Variants in PTGFR observed in about 807,000 individuals in gnomAD.
PTGFR encodes the protein prostaglandin F receptor.
A neutral mutation model predicts 26.2 loss-of-function variants in PTGFR; 15 were observed. That is an observed-to-expected ratio of 0.57 (90% confidence interval 0.38 to 0.88). The LOEUF (loss-of-function observed/expected upper bound fraction) is 0.88, where lower values mean the gene tolerates loss of function less well. Among genes scored for constraint, PTGFR ranks in the 40% least tolerant of loss-of-function variants. The probability of loss-of-function intolerance (pLI) is 0.00; values close to 1 mark genes in which losing one functional copy is unlikely to be tolerated. For synonymous variants in PTGFR, 165 were observed against 151.1 expected, an observed-to-expected ratio of 1.09 and a Z score of -0.68; for missense variants, 369 against 427.2, an observed-to-expected ratio of 0.86 and a Z score of 1.20.
chr1:78,497,776 T>C (rs1210434530), intron 2 of PTGFR: 1 of 802,980 alleles, frequency 1.2e-6, no homozygotes, highest in South Asian at 1.6e-5. Flanking sequence ...ATGGTAATTT[T>C]AATCTGTTCC....
At chr1:78,500,319 C>CA (rs1446303565) in intron 2 of PTGFR, among the ~76,000 whole-genome samples, 3 of 152,242 alleles carry the variant, frequency 2.0e-5, no homozygotes, top group East Asian at 1.9e-4. Context: ...GATTAATTCT[C>CA]AAAAAAATCC....
rs774207493 is a variant in PTGFR at position 78,493,168 on chromosome 1, T to G, written c.425T>G (p.Phe142Cys). The G allele has an allele frequency of 1.9e-6, 3 of 1,614,204 alleles. No individual in the cohort carries two copies. In the East Asian group the frequency reaches 6.7e-5, roughly 36 times the overall value. Reference protein sequence around the residue: ...ERCIGVTKPIFHSTKITSKHV... With the variant: ...ERCIGVTKPICHSTKITSKHV... The stretch of plus-strand genomic sequence containing the variant: ...TGTATTGGAGTCACAAAACCAATAT[T>G]TCATTCTACGAAAATTACATCCAAA... The change falls in exon 2 of 3, where the codon TTT (phenylalanine) becomes TGT (cysteine). Residue 142 changes from phenylalanine (F) to cysteine (C), a missense_variant. Transcript: ENST00000370757.
At chr1:78,525,585 T>G (rs1650351340) in intron 2 of PTGFR, among the ~76,000 whole-genome samples, 1 of 151,998 alleles carries the variant, frequency 6.6e-6, no homozygotes, top group Non-Finnish European at 1.5e-5. Context: ...TACATTTTGG[T>G]ATGTAGGCAT....
At chr1:78,525,676 C>CCT (rs1460665061) in intron 2 of PTGFR, among the ~76,000 whole-genome samples, 3 of 151,986 alleles carry the variant, frequency 2.0e-5, no homozygotes, top group African/African-American at 7.2e-5. Flanking sequence ...AAGCCCTGAC[C>CCT]CTCTAATCAC....
intron 2 of PTGFR, among the ~76,000 whole-genome samples, chr1:78,528,294 CAAAAAAAAAAAAAAAAA>C (rs35137595): frequency 5.0e-5 from 1 of 20,104 alleles, no homozygotes; most frequent in Non-Finnish European, 1.0e-4. Flanking sequence ...AGAAAGTTAG[CAAAAAAAAAAAAAAAAA>C]AAAAAAAAAA....
intron 2 of PTGFR, among the ~76,000 whole-genome samples, chr1:78,504,960 T>C (rs1649793348): frequency 6.6e-6 from 1 of 152,110 alleles, no homozygotes; most frequent in Non-Finnish European, 1.5e-5. Context: ...GTATTTTATT[T>C]AGACTTGAGT....
intron 2 of PTGFR, among the ~76,000 whole-genome samples, chr1:78,527,640 C>G (rs969452655): frequency 6.6e-6 from 1 of 152,102 alleles, no homozygotes; most frequent in African/African-American, 2.4e-5. Flanking sequence ...GTATCAGGAA[C>G]TAGATGAAAG....
intron 2 of PTGFR, among the ~76,000 whole-genome samples, chr1:78,520,732 A>G (rs1188695771): frequency 1.3e-5 from 2 of 152,122 alleles, no homozygotes; most frequent in Non-Finnish European, 2.9e-5. Context: ...AATGTGTTAT[A>G]AAGTAAAAAT....
intron 2 of PTGFR, among the ~76,000 whole-genome samples, chr1:78,498,836 G>A (rs2100353743): frequency 6.6e-6 from 1 of 152,242 alleles, no homozygotes; most frequent in Middle Eastern, 3.4e-3. Flanking sequence ...AATCATTTTA[G>A]CTAGTTTTCT....
At chr1:78,529,282 A>T (rs549211892) in intron 2 of PTGFR, among the ~76,000 whole-genome samples, 29 of 152,296 alleles carry the variant, frequency 1.9e-4, no homozygotes, top group African/African-American at 6.7e-4. Flanking sequence ...GAATCATTGT[A>T]CCTCCAATAT....
intron 2 of PTGFR, among the ~76,000 whole-genome samples, chr1:78,499,400 T>C (rs990510283): frequency 6.6e-6 from 1 of 152,230 alleles, no homozygotes; most frequent in Non-Finnish European, 1.5e-5. Flanking sequence ...CGTAAGCTCC[T>C]GAGGGAGGGG....
intron 2 of PTGFR, among the ~76,000 whole-genome samples, chr1:78,511,111 G>A (rs932160802): frequency 3.9e-5 from 6 of 152,202 alleles, no homozygotes; most frequent in African/African-American, 1.4e-4. Context: ...CAGGCTTATG[G>A]TGCAATCTGC....
chr1:78,502,071 A>G (rs921933029), intron 2 of PTGFR, among the ~76,000 whole-genome samples: 1 of 152,226 alleles, frequency 6.6e-6, no homozygotes, highest in Non-Finnish European at 1.5e-5. Context: ...AGAAGCTCAT[A>G]GCTTCAGAAA....
At chr1:78,501,271 C>T (rs759754325) in intron 2 of PTGFR, among the ~76,000 whole-genome samples, 1 of 152,088 alleles carries the variant, frequency 6.6e-6, no homozygotes, top group Non-Finnish European at 1.5e-5. Flanking sequence ...TTGCTTAAGA[C>T]TTATCTTTAT....
At position 78,538,094 on chromosome 1, in the gene PTGFR, C is replaced by T. The variant is rs1471759690; in HGVS notation, c.*1407C>T. Reference sequence around the variant, plus strand: ...AAATCTGTGTAAGTAACCAGAAGACCTTTCAGATGGTTTATTTGCTTTCAG... The same window carrying T: ...AAATCTGTGTAAGTAACCAGAAGACTTTTCAGATGGTTTATTTGCTTTCAG... On this transcript the variant is annotated 3_prime_UTR_variant, in exon 3 of 3. Coordinates refer to ENST00000370757, the MANE Select transcript of PTGFR (RefSeq NM_000959.4). 1 of 152,018 alleles carries T rather than the reference C, an allele frequency of 6.6e-6. No individual in the cohort carries two copies. The highest frequency in any genetic ancestry group is 2.4e-5 in the African/African-American group (1 of 41,386). The allele number at this position is 152,018 out of a possible 1,614,324, so 9.4% of individuals were successfully genotyped here.
Position 78,517,762 on chromosome 1 carries a change from T to C in PTGFR, c.799-18644T>C, listed in dbSNP as rs117351360. ...TCAATTAAAATTGTTTTGGAAGCCA[T>C]TGGAAGGGTTTTTAACAAGGGAAAG... On this transcript the variant is annotated intron_variant, in intron 2 of 2. Transcript: ENST00000370757. Among the ~76,000 whole-genome samples the C allele has an allele frequency of 1.3e-3, 203 of 152,242 alleles. 1 individual carries two copies. Among genetic ancestry groups the C allele is most frequent in the East Asian group, 0.011 (58 of 5,174 alleles).
chr1:78,538,872 T>C lies in PTGFR; in HGVS notation c.*2185T>C, dbSNP rs1168435745. 6.6e-6 allele frequency: 1 copy of C among 152,076 alleles called. No homozygotes were observed. The highest frequency in any genetic ancestry group is 1.5e-5 in the Non-Finnish European group (1 of 67,966). The allele number at this position is 152,076 out of a possible 1,614,324, so 9.4% of individuals were successfully genotyped here. A position where few individuals can be genotyped will look rare whatever the true frequency, so the allele number is the denominator to read the frequency against. ...ATAACTAATCTTCAGAATTACTGAATTTCCTTTTGAACTGGGTAAGGCATT... is the reference window on the plus strand; with the variant it reads ...ATAACTAATCTTCAGAATTACTGAACTTCCTTTTGAACTGGGTAAGGCATT... On this transcript the variant is annotated 3_prime_UTR_variant, in exon 3 of 3. Transcript: ENST00000370757.
chr1:78,505,404 T>C (rs1391251767), intron 2 of PTGFR, among the ~76,000 whole-genome samples: 3 of 152,188 alleles, frequency 2.0e-5, no homozygotes, highest in Non-Finnish European at 4.4e-5. Flanking sequence ...ATTACAGGCA[T>C]GAGCCACCAC....
At chr1:78,532,228 C>T (rs1265663) in intron 2 of PTGFR, 5,450 of 404,564 alleles carry the variant, frequency 0.013, 257 homozygotes, top group African/African-American at 0.11. Context: ...AGACACTCAA[C>T]GAGAAATGAC....
Sources: allele counts gnomAD v4.1 joint callset (sites outside exome capture counted in the v4.1 genomes callset), GRCh38; gene constraint gnomAD v4.1.1; transcripts MANE v1.5; gene names NCBI Gene and HGNC (gene_info 2026-07-23, HGNC 2026-07-21).